FHIT: variants seen among roughly 807,000 people sequenced by gnomAD.
FHIT encodes the protein fragile histidine triad diadenosine triphosphatase.
In FHIT, 19 loss-of-function variants were observed where a neutral mutation model predicts 17.9. The ratio of observed to expected loss-of-function variants is 1.06; its 90% confidence interval spans 0.74 to 1.56. The LOEUF (loss-of-function observed/expected upper bound fraction) is 1.56. Ranked by LOEUF, FHIT falls within the 40% of genes most tolerant of loss-of-function variation. FHIT has a pLI of 0.00. For missense variants in FHIT, 248 were observed against 189.2 expected (o/e 1.31, Z -1.82); for synonymous variants, 81 against 69.7 (o/e 1.16, Z -0.81).
intron 4 of FHIT, among the ~76,000 whole-genome samples, chr3:60,562,477 C>T (rs1053310795): frequency 3.9e-5 from 6 of 152,126 alleles, no homozygotes; most frequent in African/African-American, 1.4e-4. Context: ...AGCCAGCAAT[C>T]CAGGAAGGGT....
chr3:60,591,526 C>T (rs188456009), intron 4 of FHIT, among the ~76,000 whole-genome samples: 20 of 152,178 alleles, frequency 1.3e-4, no homozygotes, highest in African/African-American at 4.8e-4. Flanking sequence ...AATCCACTTG[C>T]TATAAAATTC....
rs1704077186 is a variant in FHIT, at chr3:60,864,575, T to G, written c.-110-42564A>C. ...GGAAGAAGGTGGATGGTGTGGCATA[T>G]TCTGGAACAGGGCTCTGTATTGGCA... On this transcript the variant is annotated intron_variant, in intron 3 of 9. Transcript: ENST00000492590. Among the ~76,000 whole-genome samples the G allele has an allele frequency of 2.0e-5, 3 of 152,188 alleles. No individual in the cohort carries two copies. The East Asian group carries it at 5.8e-4, about 29-fold the overall frequency.
At chr3:59,939,423 C>A (rs1238105682) in intron 7 of FHIT, among the ~76,000 whole-genome samples, 1 of 152,158 alleles carries the variant, frequency 6.6e-6, no homozygotes, top group African/African-American at 2.4e-5. Flanking sequence ...CACCACAGAT[C>A]AGAAATTTAC....
At chr3:60,448,198 C>G (rs2031478222) in intron 5 of FHIT, among the ~76,000 whole-genome samples, 1 of 151,968 alleles carries the variant, frequency 6.6e-6, no homozygotes, top group Non-Finnish European at 1.5e-5. Context: ...TGCTTTTATC[C>G]CAGGGTGGGA....
intron 4 of FHIT, among the ~76,000 whole-genome samples, chr3:60,606,176 T>A (rs1401415009): frequency 6.6e-6 from 1 of 152,148 alleles, no homozygotes; most frequent in African/African-American, 2.4e-5. Flanking sequence ...TCCTAATGGA[T>A]GTTTACTATA....
intron 2 of FHIT, among the ~76,000 whole-genome samples, chr3:61,166,614 G>C: frequency 6.6e-6 from 1 of 152,160 alleles, no homozygotes; most frequent in East Asian, 1.9e-4. Context: ...CACAGTTCAA[G>C]ATTAACTCAA....
chr3:60,443,147 T>A (rs1189958269), intron 5 of FHIT, among the ~76,000 whole-genome samples: 1 of 152,240 alleles, frequency 6.6e-6, no homozygotes, highest in African/African-American at 2.4e-5. Context: ...TTGCTGAAGT[T>A]GCCTATCAGC....
intron 4 of FHIT, among the ~76,000 whole-genome samples, chr3:60,729,090 T>TGACACTGATGTTCAGTGCC (rs1325496481): frequency 5.3e-5 from 8 of 152,244 alleles, no homozygotes; most frequent in Admixed American, 5.2e-4. Context: ...ACCCTAGTGC[T>TGACACTGATGTTCAGTGCC]GACACTGATG....
intron 7 of FHIT, among the ~76,000 whole-genome samples, chr3:59,925,545 T>A (rs1257483987): frequency 6.6e-6 from 1 of 152,152 alleles, no homozygotes; most frequent in Non-Finnish European, 1.5e-5. Flanking sequence ...ACCTCCAGGG[T>A]CCAGGTCTAT....
intron 5 of FHIT, among the ~76,000 whole-genome samples, chr3:60,473,135 A>AT (rs1304753150): frequency 6.6e-6 from 1 of 152,216 alleles, no homozygotes; most frequent in Non-Finnish European, 1.5e-5. Flanking sequence ...ATGCAAAGAA[A>AT]TTTTGACAAA....
chr3:59,798,783 C>A (rs11130734), intron 8 of FHIT, among the ~76,000 whole-genome samples: 80,669 of 152,102 alleles, frequency 0.53, 24,391 homozygotes, highest in Middle Eastern at 0.68. Flanking sequence ...TTGATGAAGT[C>A]CACAGTTGTT....
chr3:60,201,980 A>C (rs1702932232), intron 5 of FHIT, among the ~76,000 whole-genome samples: 1 of 152,210 alleles, frequency 6.6e-6, no homozygotes, highest in Admixed American at 6.5e-5. Context: ...TGCCTGTCCC[A>C]GGATTGCCCA....
rs866901365 is a variant in FHIT, at chr3:60,150,131, G to C, written c.104-135979C>G. ...CTGCCTCAGCCTTCCTGAGTAGCTA[G>C]GATTACAGGCATGCGCCCCCCACGC... On this transcript the variant is annotated intron_variant, in intron 5 of 9. Coordinates refer to ENST00000492590, the MANE Select transcript of FHIT (RefSeq NM_002012.4). Among the ~76,000 whole-genome samples the C allele has an allele frequency of 2.7e-5, 4 of 148,950 alleles. No individual in the cohort carries two copies. The East Asian group carries it at 6.0e-4, about 22-fold the overall frequency.
chr3:61,220,568 G>C (rs1490907162), intron 1 of FHIT, among the ~76,000 whole-genome samples: 1 of 152,120 alleles, frequency 6.6e-6, no homozygotes, highest in Non-Finnish European at 1.5e-5. Flanking sequence ...TTTACCTGGG[G>C]AGCTAATCAA....
At position 61,063,264 on chromosome 3, in the gene FHIT, A is replaced by G. The variant is rs1055131515; in HGVS notation, c.-163-21165T>C. On this transcript the variant is annotated intron_variant, in intron 2 of 9. Coordinates refer to ENST00000492590, the MANE Select transcript of FHIT (RefSeq NM_002012.4). Reference sequence around the variant, plus strand: ...GAGCGAGACTCTGTCTCAAAAAAAAAAAAGATTAGTTTTAAGTGAACCATG... The same window carrying G: ...GAGCGAGACTCTGTCTCAAAAAAAAGAAAGATTAGTTTTAAGTGAACCATG... Among the ~76,000 whole-genome samples, 2 of 151,414 alleles carry G rather than the reference A, an allele frequency of 1.3e-5. 1 individual carries two copies. The highest frequency in any genetic ancestry group is 4.8e-5 in the African/African-American group (2 of 41,364).
At chr3:60,123,474 A>C (rs1468712462) in intron 5 of FHIT, among the ~76,000 whole-genome samples, 1 of 152,198 alleles carries the variant, frequency 6.6e-6, no homozygotes, top group Admixed American at 6.5e-5. Flanking sequence ...ATACAAACTT[A>C]GGGAGAAGTT....
chr3:61,135,514 T>C (rs1426145193), intron 2 of FHIT, among the ~76,000 whole-genome samples: 1 of 152,136 alleles, frequency 6.6e-6, no homozygotes, highest in Non-Finnish European at 1.5e-5. Context: ...GCTTTTAAGA[T>C]CTATGAGGTA....
chr3:60,289,636 T>C (rs1054627892), intron 5 of FHIT, among the ~76,000 whole-genome samples: 1 of 152,222 alleles, frequency 6.6e-6, no homozygotes, highest in Non-Finnish European at 1.5e-5. Flanking sequence ...GAGATTCCTG[T>C]GAACTTATTT....
rs1463719022 is a variant in FHIT at position 60,615,625 on chromosome 3, A to G, written c.-17-78646T>C. 2.6e-5 allele frequency among the ~76,000 whole-genome samples: 4 copies of G among 152,224 alleles called. No individual in the cohort carries two copies. The East Asian group carries it at 7.7e-4, about 29-fold the overall frequency. On this transcript the variant is annotated intron_variant, in intron 4 of 9. Coordinates refer to ENST00000492590, the MANE Select transcript of FHIT (RefSeq NM_002012.4). ...AAGTAATATCATCCATTAATTTATT[A>G]AGCAAATATTTGAGTAATACCTACT...
Sources: gnomAD v4.1 joint callset for allele counts (sites outside exome capture counted in the v4.1 genomes callset) on GRCh38, gnomAD v4.1.1 for gene constraint, MANE v1.5 for transcripts, NCBI Gene and HGNC (gene_info 2026-07-23, HGNC 2026-07-21) for gene names.